The following DCAF6 variants were observed in gnomAD, a reference collection of about 807,000 sequenced individuals.
The protein encoded by DCAF6 is DDB1- and CUL4-associated factor 6.
Under a neutral mutation model 125.1 loss-of-function variants are expected in DCAF6, and 54 were observed. The ratio of observed to expected loss-of-function variants is 0.43; its 90% confidence interval spans 0.35 to 0.54. The LOEUF (loss-of-function observed/expected upper bound fraction) is 0.54, where lower values mean the gene tolerates loss of function less well. Ranked by LOEUF, DCAF6 falls within the 20% of genes least tolerant of loss-of-function variation. DCAF6 has a pLI of 0.01. For synonymous variants in DCAF6, 371 were observed against 390.4 expected (o/e 0.95, Z 0.58); for missense variants, 934 against 1,161.7 (o/e 0.80, Z 2.85).
intron 3 of DCAF6, 60 bp downstream of exon 3, chr1:167,966,781 TGAA>T: frequency 9.8e-7 from 1 of 1,025,270 alleles, no homozygotes; most frequent in Admixed American, 2.0e-5. Context: ...AAGGCAGAAA[TGAA>T]GAAACTGTGA....
intron 17 of DCAF6, among the ~76,000 whole-genome samples, chr1:168,057,174 C>G (rs922947154): frequency 6.6e-6 from 1 of 152,000 alleles, no homozygotes; most frequent in African/African-American, 2.4e-5. Flanking sequence ...GCCATTCTAC[C>G]TATGTGTAAT....
At chr1:168,048,753 G>T (rs2101830230) in intron 16 of DCAF6, among the ~76,000 whole-genome samples, 1 of 152,206 alleles carries the variant, frequency 6.6e-6, no homozygotes, top group South Asian at 2.1e-4. Flanking sequence ...GGCTTTGTTG[G>T]CCAGGAGACA....
intron 1 of DCAF6, among the ~76,000 whole-genome samples, chr1:167,948,908 T>C (rs1673500085): frequency 6.6e-6 from 1 of 152,172 alleles, no homozygotes; most frequent in East Asian, 1.9e-4. Flanking sequence ...CACCTCGGCC[T>C]CCCAAAGTAC....
intron 5 of DCAF6, among the ~76,000 whole-genome samples, chr1:167,989,070 A>T (rs1246861303): frequency 6.6e-6 from 1 of 151,458 alleles, no homozygotes; most frequent in Admixed American, 6.6e-5. Flanking sequence ...ACACTGCGAG[A>T]CTCCATCTCA....
intron 21 of DCAF6, among the ~76,000 whole-genome samples, chr1:168,071,814 T>G (rs557328277): frequency 2.6e-5 from 4 of 152,246 alleles, no homozygotes; most frequent in Non-Finnish European, 5.9e-5. Flanking sequence ...ACATACATTC[T>G]GCCAACCTCT....
At chr1:167,869,654 G>A in the DCAF6 span, among the ~76,000 whole-genome samples, 3 of 152,016 alleles carry the variant, frequency 2.0e-5, no homozygotes, top group Non-Finnish European at 4.4e-5. Context: ...GAAATCTCTC[G>A]TTCTGTTCTG....
chr1:167,989,106 C>A (rs1286089405), intron 5 of DCAF6, among the ~76,000 whole-genome samples: 1 of 151,976 alleles, frequency 6.6e-6, no homozygotes, highest in Non-Finnish European at 1.5e-5. Context: ...AACAAAAAAA[C>A]CTTTAAACAT....
At chr1:168,007,126 C>T (rs1054424197) in intron 10 of DCAF6, among the ~76,000 whole-genome samples, 3 of 152,168 alleles carry the variant, frequency 2.0e-5, no homozygotes, top group Non-Finnish European at 4.4e-5. Context: ...GAAAAGTACT[C>T]GTTTTCCTAC....
At chr1:167,918,311 T>C in the DCAF6 span, 1 of 1,564,288 alleles carries the variant, frequency 6.4e-7, no homozygotes, top group Non-Finnish European at 8.8e-7. Context: ...GTTCAGGTGA[T>C]CAGGAACTCT....
the DCAF6 span, chr1:167,904,910 A>G: frequency 4.4e-6 from 7 of 1,594,832 alleles, no homozygotes. Flanking sequence ...TGGCCTCCCT[A>G]CTCTGCAATC....
At chr1:168,044,874 T>G (rs1289219204) in intron 15 of DCAF6, 26 bp from the exon 16 acceptor site, 2 of 1,606,946 alleles carry the variant, frequency 1.2e-6, no homozygotes, top group Non-Finnish European at 1.7e-6. Context: ...TTACCACCTG[T>G]TACATACAAC....
At chr1:168,047,649 T>C (rs1689297225) in intron 16 of DCAF6, among the ~76,000 whole-genome samples, 1 of 152,014 alleles carries the variant, frequency 6.6e-6, no homozygotes, top group Non-Finnish European at 1.5e-5. Flanking sequence ...CGAAGCCATT[T>C]ATAGGAACAT....
chr1:167,882,536 C>T, the DCAF6 span, among the ~76,000 whole-genome samples: 1 of 149,676 alleles, frequency 6.7e-6, no homozygotes, highest in African/African-American at 2.5e-5. Flanking sequence ...GAGCCAGAGG[C>T]AGTCCCCTCC....
chr1:168,066,313 A>C lies in DCAF6; in HGVS notation c.2597-64A>C, dbSNP rs144765682. 8 of 1,023,680 alleles carry C rather than the reference A, an allele frequency of 7.8e-6. 1 individual carries two copies. In the East Asian group the frequency reaches 1.8e-4, roughly 24 times the overall value. The allele number at this position is 1,023,680 out of a possible 1,614,324, so 63.4% of individuals were successfully genotyped here. A position where few individuals can be genotyped will look rare whatever the true frequency, so the allele number is the denominator to read the frequency against. ...TTTGCTATATATACATATATGCATA[A>C]TATAAGCATATCCTGAATTGCATGT... is the stretch of plus-strand genomic sequence containing the variant. On this transcript the variant is annotated intron_variant, in intron 19 of 21. Coordinates refer to ENST00000367840, the MANE Select transcript of DCAF6 (RefSeq NM_001198956.2).
Position 168,031,455 on chromosome 1 carries a change from G to A in DCAF6, c.1610-6916G>A, listed in dbSNP as rs78281347. ...AATGTGGGAGTGATTGAGCCCATTA[G>A]TAGAACACTTTCACTAGAGTGATAG... On this transcript the variant is annotated intron_variant, in intron 12 of 21. Coordinates refer to ENST00000367840, the MANE Select transcript of DCAF6 (RefSeq NM_001198956.2). Among the ~76,000 whole-genome samples, 1,054 of 152,244 alleles carry A rather than the reference G, an allele frequency of 6.9e-3. 12 individuals are homozygous for A. The highest frequency in any genetic ancestry group is 0.024 in the African/African-American group (985 of 41,532).
At chr1:168,038,260 A>G (rs1688089446) in intron 12 of DCAF6, 111 bp from the exon 13 acceptor site, 1 of 779,314 alleles carries the variant, frequency 1.3e-6, no homozygotes, top group Non-Finnish European at 2.1e-6. Flanking sequence ...AACAGATGTG[A>G]AAAAAGAATT....
chr1:167,961,649 T>C (rs920282587), intron 2 of DCAF6, among the ~76,000 whole-genome samples: 2 of 152,214 alleles, frequency 1.3e-5, no homozygotes, highest in African/African-American at 4.8e-5. Flanking sequence ...TTTTCCTTCC[T>C]TTTCTTGTCT....
the DCAF6 span, among the ~76,000 whole-genome samples, chr1:167,912,358 G>A: frequency 6.6e-6 from 1 of 152,176 alleles, no homozygotes; most frequent in Admixed American, 6.5e-5. Flanking sequence ...CCAACATGGC[G>A]ATTCCGGAGG....
chr1:168,033,319 T>A (rs1439536040), intron 12 of DCAF6, among the ~76,000 whole-genome samples: 1 of 147,308 alleles, frequency 6.8e-6, no homozygotes, highest in Non-Finnish European at 1.5e-5. Context: ...TTTTTTTTTT[T>A]TTTTTTTGAG....
Sources: allele counts gnomAD v4.1 joint callset (sites outside exome capture counted in the v4.1 genomes callset), GRCh38; gene constraint gnomAD v4.1.1; transcripts MANE v1.5; gene names NCBI Gene and HGNC (gene_info 2026-07-23, HGNC 2026-07-21).